TRHDE: variants seen among roughly 807,000 people sequenced by gnomAD.
The protein encoded by TRHDE is thyrotropin releasing hormone degrading enzyme, also known as thyrotropin-releasing hormone-degrading ectoenzyme.
In TRHDE, 72 loss-of-function variants were observed where a neutral mutation model predicts 125.7. The observed-to-expected ratio is 0.57, with a 90% confidence interval of 0.47 to 0.70. The LOEUF is 0.70. TRHDE is among the 30% of genes least tolerant of loss of function. The pLI is 0.00. For synonymous variants in TRHDE, 509 were observed against 509.1 expected (o/e 1.00, Z 0.00); for missense variants, 1,110 against 1,327.1 (o/e 0.84, Z 2.54).
chr12:72,370,177 A>G (rs1293814315), intron 2 of TRHDE, among the ~76,000 whole-genome samples: 1 of 152,156 alleles, frequency 6.6e-6, no homozygotes, highest in Non-Finnish European at 1.5e-5. Flanking sequence ...GATTGTTTTT[A>G]AGTAAAAATG....
At chr12:72,544,858 C>T (rs1251856878) in intron 7 of TRHDE, among the ~76,000 whole-genome samples, 4 of 151,360 alleles carry the variant, frequency 2.6e-5, no homozygotes, top group East Asian at 1.9e-4. Flanking sequence ...TATAAAGCAT[C>T]GGTGTAGATT....
chr12:72,203,166 CAG>C (rs1354871337), intron 2 of TRHDE, among the ~76,000 whole-genome samples: 1 of 151,772 alleles, frequency 6.6e-6, no homozygotes, highest in Non-Finnish European at 1.5e-5. Flanking sequence ...AGAGGAGAGA[CAG>C]AGAATGGTCT....
intron 3 of TRHDE, among the ~76,000 whole-genome samples, chr12:72,403,197 A>T (rs1873120140): frequency 6.6e-6 from 1 of 152,228 alleles, no homozygotes; most frequent in Admixed American, 6.5e-5. Context: ...TAATGTGGCA[A>T]GGACCGAGAT....
intron 2 of TRHDE, among the ~76,000 whole-genome samples, chr12:72,239,480 G>A (rs1003045596): frequency 8.5e-5 from 13 of 152,128 alleles, no homozygotes; most frequent in Non-Finnish European, 1.5e-4. Flanking sequence ...GTCCTGAATG[G>A]TATTGCCCAG....
intron 2 of TRHDE, among the ~76,000 whole-genome samples, chr12:72,342,775 A>G (rs1870140167): frequency 6.6e-6 from 1 of 152,136 alleles, no homozygotes; most frequent in Non-Finnish European, 1.5e-5. Context: ...ATATAGTTTT[A>G]TAGACAGGAA....
At chr12:72,402,848 C>T (rs999454958) in intron 3 of TRHDE, among the ~76,000 whole-genome samples, 5 of 152,040 alleles carry the variant, frequency 3.3e-5, no homozygotes, top group African/African-American at 9.7e-5. Flanking sequence ...GTTGGAGAGA[C>T]CATCTGACTC....
At chr12:72,511,819 A>G (rs934866179) in intron 6 of TRHDE, among the ~76,000 whole-genome samples, 1 of 152,114 alleles carries the variant, frequency 6.6e-6, no homozygotes, top group Non-Finnish European at 1.5e-5. Flanking sequence ...TCCCCATTAT[A>G]TGTCCATCTC....
At chr12:72,285,789 G>T (rs953474916) in intron 1 of TRHDE, among the ~76,000 whole-genome samples, 7 of 152,056 alleles carry the variant, frequency 4.6e-5, no homozygotes, top group South Asian at 4.1e-4. Flanking sequence ...AAAGTGCTGG[G>T]ATTACAAGTG....
At chr12:72,260,090 A>G (rs942400483) in intron 2 of TRHDE, among the ~76,000 whole-genome samples, 1 of 152,200 alleles carries the variant, frequency 6.6e-6, no homozygotes, top group Non-Finnish European at 1.5e-5. Flanking sequence ...ATAGGAAGGG[A>G]TCCACAAAAT....
intron 2 of TRHDE, among the ~76,000 whole-genome samples, chr12:72,259,625 A>G (rs1878901629): frequency 6.6e-6 from 1 of 152,148 alleles, no homozygotes; most frequent in Non-Finnish European, 1.5e-5. Context: ...TTCCAATTCC[A>G]ATCTAATAAC....
intron 2 of TRHDE, among the ~76,000 whole-genome samples, chr12:72,123,808 G>T (rs777981181): frequency 1.1e-4 from 16 of 151,972 alleles, no homozygotes; most frequent in Admixed American, 4.6e-4. Flanking sequence ...TATCTCCAAA[G>T]GTTTTATCAT....
chr12:72,475,343 G>A lies in TRHDE; in HGVS notation c.1584+2163G>A, dbSNP rs542698585. Among the ~76,000 whole-genome samples, 14 of 152,144 alleles carry A rather than the reference G, an allele frequency of 9.2e-5. No individual in the cohort carries two copies. In the South Asian group the frequency reaches 2.3e-3, roughly 25 times the overall value. ...ATATTAAAAGATGTCCTTATTACAA[G>A]TGATGTGTTATGCATAGGTGTTGCT... On this transcript the variant is annotated intron_variant, in intron 5 of 18. Transcript: ENST00000261180.
intron 2 of TRHDE, among the ~76,000 whole-genome samples, chr12:72,207,477 A>G (rs11179106): frequency 0.13 from 20,447 of 152,138 alleles, 2,157 homozygotes; most frequent in African/African-American, 0.29. Flanking sequence ...TTGCACAATA[A>G]GAGATAGAAT....
At chr12:72,157,465 G>C (rs1006080838) in intron 2 of TRHDE, among the ~76,000 whole-genome samples, 1 of 152,210 alleles carries the variant, frequency 6.6e-6, no homozygotes, top group Non-Finnish European at 1.5e-5. Flanking sequence ...AGAGATGATG[G>C]TGGCTTTGAT....
chr12:72,625,828 A>C (rs1159523912), intron 15 of TRHDE, among the ~76,000 whole-genome samples: 2 of 151,940 alleles, frequency 1.3e-5, no homozygotes, highest in Non-Finnish European at 2.9e-5. Flanking sequence ...GTGGTATATT[A>C]CACTACTATA....
At chr12:72,579,267 C>T (rs919233881) in intron 12 of TRHDE, among the ~76,000 whole-genome samples, 9 of 151,872 alleles carry the variant, frequency 5.9e-5, no homozygotes, top group African/African-American at 1.9e-4. Context: ...TCCTCAAATC[C>T]TGCATTATAA....
At chr12:72,465,318 C>T (rs1012024911) in intron 3 of TRHDE, among the ~76,000 whole-genome samples, 1 of 151,952 alleles carries the variant, frequency 6.6e-6, no homozygotes, top group African/African-American at 2.4e-5. Context: ...GAAATTATCA[C>T]CATAATGAAC....
chr12:72,655,033 C>T (rs1330371328), intron 17 of TRHDE, among the ~76,000 whole-genome samples: 1 of 152,122 alleles, frequency 6.6e-6, no homozygotes, highest in Admixed American at 6.6e-5. Context: ...AATCTTCAGG[C>T]TCACAATGTA....
chr12:72,603,980 A>C (rs1405337947), intron 12 of TRHDE, among the ~76,000 whole-genome samples: 2 of 152,200 alleles, frequency 1.3e-5, no homozygotes, highest in Non-Finnish European at 2.9e-5. Context: ...ATTGTATGTA[A>C]TCAAGTTATC....
Sources: gnomAD v4.1 joint callset for allele counts (sites outside exome capture counted in the v4.1 genomes callset) on GRCh38, gnomAD v4.1.1 for gene constraint, MANE v1.5 for transcripts, NCBI Gene and HGNC (gene_info 2026-07-23, HGNC 2026-07-21) for gene names.